Variants in BTBD9 observed in about 807,000 individuals in gnomAD.
BTBD9 encodes BTB domain containing 9.
Under a neutral mutation model 64.3 loss-of-function variants are expected in BTBD9, and 49 were observed. The ratio of observed to expected loss-of-function variants is 0.76; its 90% CI spans 0.61 to 0.97. BTBD9 has a LOEUF of 0.97. Among genes scored for constraint, BTBD9 ranks in the 50% least tolerant of loss-of-function variants. BTBD9 has a pLI of 0.00. For missense variants in BTBD9, 598 were observed against 762.1 expected (o/e 0.78, Z 2.53); for synonymous variants, 260 against 274.7 (o/e 0.95, Z 0.53).
At chr6:38,454,888 TGAG>T (rs1176129979) in intron 6 of BTBD9, among the ~76,000 whole-genome samples, 12 of 151,468 alleles carry the variant, frequency 7.9e-5, no homozygotes, top group Non-Finnish European at 4.4e-5. Flanking sequence ...CTAATATAAA[TGAG>T]GAGAATTAAT....
Position 38,638,988 on chromosome 6 carries a change from G to A in BTBD9, c.-28+812C>T, listed in dbSNP as rs536898742. Among the ~76,000 whole-genome samples, 4 of 152,238 alleles carry A rather than the reference G, an allele frequency of 2.6e-5. No individual in the cohort carries two copies. In the East Asian group the frequency reaches 7.7e-4, roughly 29 times the overall value. On this transcript the variant is annotated intron_variant, in intron 1 of 10. Transcript: ENST00000481247. ...ACACTTTCCGCCCACACAGTGAACA[G>A]AATCCGTATTTTCTGCCCAGAAAAT...
chr6:38,501,300 T>C (rs1772185834), intron 6 of BTBD9, among the ~76,000 whole-genome samples: 1 of 152,144 alleles, frequency 6.6e-6, no homozygotes, highest in Non-Finnish European at 1.5e-5. Context: ...CATTGGAGCA[T>C]TTCAGATTTC....
intron 6 of BTBD9, among the ~76,000 whole-genome samples, chr6:38,551,517 T>G (rs1399288656): frequency 6.6e-6 from 1 of 152,218 alleles, no homozygotes; most frequent in Non-Finnish European, 1.5e-5. Flanking sequence ...AATTTAAACA[T>G]CATAGCAAAC....
rs150758639 is a variant in BTBD9, at chr6:38,638,598, A to G, written c.-28+1202T>C. Among the ~76,000 whole-genome samples, 7 of 152,374 alleles carry G rather than the reference A, an allele frequency of 4.6e-5. No homozygotes were observed. The East Asian group carries it at 1.2e-3, about 25-fold the overall frequency. ...AGGAAGACACTTTGAATTCCGAGTA[A>G]TCTAATAAGTGTTACAAAGCAAGGT... On this transcript the variant is annotated intron_variant, in intron 1 of 10. Coordinates refer to ENST00000481247, the MANE Select transcript of BTBD9 (RefSeq NM_001099272.2).
Position 38,334,574 on chromosome 6 carries a change from TAATAACATAA to T in BTBD9, c.1264+10400_1264+10409del, listed in dbSNP as rs1763809294. Reference sequence around the variant, plus strand: ...ACAGAGCGAGACTCCATCTCAAAAATAATAACATAACATAACATAACATAACATAACATAA... The same window carrying T: ...ACAGAGCGAGACTCCATCTCAAAAATCATAACATAACATAACATAACATAA... On this transcript the variant is annotated intron_variant, in intron 7 of 10. Transcript: ENST00000481247. Among the ~76,000 whole-genome samples, 12 of 121,882 alleles carry T rather than the reference TAATAACATAA, an allele frequency of 9.8e-5. No homozygotes were observed. In the Admixed American group the frequency reaches 1.1e-3, roughly 11 times the overall value. 80.0% of individuals were successfully genotyped at this position (121,882 alleles called of 152,430 possible).
chr6:38,193,065 A>AT (rs1762150249), intron 9 of BTBD9, among the ~76,000 whole-genome samples: 1 of 151,888 alleles, frequency 6.6e-6, no homozygotes, highest in African/African-American at 2.4e-5. Flanking sequence ...TAATAATAAA[A>AT]AAAAAAGTGC....
intron 8 of BTBD9, among the ~76,000 whole-genome samples, chr6:38,277,679 A>G (rs1348945977): frequency 6.6e-6 from 1 of 152,186 alleles, no homozygotes; most frequent in Non-Finnish European, 1.5e-5. Flanking sequence ...AAATATTATT[A>G]TCATAGTACT....
intron 1 of BTBD9, among the ~76,000 whole-genome samples, chr6:38,620,587 A>G (rs1301054380): frequency 6.6e-6 from 1 of 152,168 alleles, no homozygotes; most frequent in East Asian, 1.9e-4. Context: ...AGGCTACTCT[A>G]GATCTCCTGA....
At chr6:38,276,336 C>T (rs1354416727) in intron 8 of BTBD9, among the ~76,000 whole-genome samples, 7 of 121,166 alleles carry the variant, frequency 5.8e-5, no homozygotes, top group African/African-American at 9.2e-5. Flanking sequence ...CATCACACTC[C>T]GGGGACTGTT....
At chr6:38,242,196 T>C (rs528415965) in intron 9 of BTBD9, among the ~76,000 whole-genome samples, 7 of 152,294 alleles carry the variant, frequency 4.6e-5, no homozygotes, top group Middle Eastern at 3.4e-3. Context: ...ATAGCCTCCT[T>C]GGGTTGGGAA....
chr6:38,219,838 G>A (rs1028874826), intron 9 of BTBD9, among the ~76,000 whole-genome samples: 1 of 152,074 alleles, frequency 6.6e-6, no homozygotes, highest in African/African-American at 2.4e-5. Context: ...CACTAAGGAG[G>A]GCATTTGGCT....
At chr6:38,257,206 T>C (rs1764622775) in intron 8 of BTBD9, among the ~76,000 whole-genome samples, 1 of 151,458 alleles carries the variant, frequency 6.6e-6, no homozygotes, top group African/African-American at 2.4e-5. Flanking sequence ...CCCAGCCTAA[T>C]TGATTTTTTA....
At chr6:38,545,087 T>TTTTG (rs557922887) in intron 6 of BTBD9, among the ~76,000 whole-genome samples, 9 of 152,106 alleles carry the variant, frequency 5.9e-5, no homozygotes, top group East Asian at 5.8e-4. Flanking sequence ...ACTGGACAGT[T>TTTTG]TTTGTTTGTT....
chr6:38,592,816 T>G lies in BTBD9; in HGVS notation c.574A>C (p.Arg192=), dbSNP rs1215565509. 1 of 1,614,042 alleles carries G rather than the reference T, an allele frequency of 6.2e-7. No homozygotes were observed. The highest frequency in any genetic ancestry group is 8.5e-7 in the Non-Finnish European group (1 of 1,180,000). The part of the protein sequence containing the change: ...SKTALLNIVL[R]DSFAAPEKDI... ...TTTTCGGGAGCTGCAAATGAGTCTC[T>G]TAACACGATGTTTAAAAGTGCTGTC... The change falls in exon 4 of 11, where the codon AGA becomes CGA. Residue 192 remains arginine, a synonymous_variant. Coordinates refer to ENST00000481247, the MANE Select transcript of BTBD9 (RefSeq NM_001099272.2).
intron 6 of BTBD9, among the ~76,000 whole-genome samples, chr6:38,500,341 C>G (rs1772141606): frequency 6.6e-6 from 1 of 151,942 alleles, no homozygotes; most frequent in South Asian, 2.1e-4. Context: ...GTAATAAACC[C>G]TCCCCATCTA....
chr6:38,187,208 G>C (rs1761856329), intron 10 of BTBD9, among the ~76,000 whole-genome samples: 1 of 152,208 alleles, frequency 6.6e-6, no homozygotes, highest in Non-Finnish European at 1.5e-5. Flanking sequence ...TAACGTTGTT[G>C]ACAAGGCCCA....
chr6:38,329,185 T>G (rs1258788253), intron 7 of BTBD9, among the ~76,000 whole-genome samples: 1 of 152,136 alleles, frequency 6.6e-6, no homozygotes, highest in Admixed American at 6.5e-5. Flanking sequence ...ATTCATAATC[T>G]TCCTCTTTTG....
chr6:38,421,981 T>C (rs1419786661), intron 6 of BTBD9, among the ~76,000 whole-genome samples: 5 of 152,164 alleles, frequency 3.3e-5, no homozygotes, highest in African/African-American at 2.4e-5. Flanking sequence ...GCATAAGGGA[T>C]TTAGGATAAC....
chr6:38,595,728 T>C (rs1237507192), intron 2 of BTBD9: 11 of 981,458 alleles, frequency 1.1e-5, no homozygotes, highest in South Asian at 4.7e-5. Context: ...AGAAAAATAG[T>C]TGAAACCACC....
Sources: gnomAD v4.1 joint callset for allele counts (sites outside exome capture counted in the v4.1 genomes callset) on GRCh38, gnomAD v4.1.1 for gene constraint, MANE v1.5 for transcripts, NCBI Gene and HGNC (gene_info 2026-07-23, HGNC 2026-07-21) for gene names.